PTK2B: variants seen among roughly 807,000 people sequenced by gnomAD.
PTK2B encodes the protein protein tyrosine kinase 2 beta.
A neutral mutation model predicts 142.9 loss-of-function variants in PTK2B; 71 were observed. That is an observed-to-expected ratio of 0.50 (90% CI 0.41 to 0.61). The LOEUF (loss-of-function observed/expected upper bound fraction) is 0.61. Ranked by LOEUF, PTK2B falls within the 20% of genes least tolerant of loss-of-function variation. PTK2B has a pLI of 0.00. For missense variants in PTK2B, 1,105 were observed against 1,320.4 expected (o/e 0.84, Z 2.53); for synonymous variants, 519 against 503.4 (o/e 1.03, Z -0.42).
intron 2 of PTK2B, among the ~76,000 whole-genome samples, chr8:27,401,607 A>C (rs1170098571): frequency 6.6e-6 from 1 of 152,244 alleles, no homozygotes; most frequent in African/African-American, 2.4e-5. Flanking sequence ...GGGAAGGCAC[A>C]TAGCGGGTTT....
intron 13 of PTK2B, among the ~76,000 whole-genome samples, chr8:27,434,837 TA>T (rs1331770726): frequency 3.9e-5 from 6 of 151,978 alleles, no homozygotes; most frequent in Non-Finnish European, 7.4e-5. Context: ...CCATTTCTAC[TA>T]AAAATACAAA....
chr8:27,319,868 A>G (rs978333979), intron 3 of PTK2B, among the ~76,000 whole-genome samples: 6 of 152,192 alleles, frequency 3.9e-5, no homozygotes, highest in African/African-American at 1.4e-4. Flanking sequence ...TGCTCTGAAG[A>G]AAAGAAAAAC....
intron 2 of PTK2B, among the ~76,000 whole-genome samples, chr8:27,403,311 C>T (rs1427286758): frequency 6.6e-6 from 1 of 152,202 alleles, no homozygotes; most frequent in Admixed American, 6.5e-5. Flanking sequence ...TCGCCCTGAA[C>T]AGTCCACATG....
intron 24 of PTK2B, among the ~76,000 whole-genome samples, chr8:27,447,727 G>A (rs1811556144): frequency 1.3e-5 from 2 of 152,178 alleles, no homozygotes; most frequent in African/African-American, 4.8e-5. Flanking sequence ...AGGCATGGTA[G>A]TGTGCACCTG....
Position 27,454,597 on chromosome 8 carries a change from T to A in PTK2B, c.2800T>A (p.Ser934Thr). 1 of 1,614,100 alleles carries A rather than the reference T, an allele frequency of 6.2e-7. No individual in the cohort carries two copies. Among genetic ancestry groups the A allele is most frequent in the Non-Finnish European group, 8.5e-7 (1 of 1,179,976 alleles). Residue 934 changes from serine (S) to threonine (T), a missense_variant, in exon 30 of 31, where the codon TCT becomes ACT. Transcript: ENST00000346049. ...TGATCTCCTGCCTTCCTTGCCGTCA[T>A]CTTCACGGACAGAGGTGAGCGTCCC... ...VDDLLPSLPS[S>T]SRTEIEGTQK...
chr8:27,332,706 T>C (rs976869117), intron 1 of PTK2B, among the ~76,000 whole-genome samples: 2 of 152,126 alleles, frequency 1.3e-5, no homozygotes, highest in Admixed American at 6.6e-5. Context: ...CTCAGCCTCC[T>C]GAGTAGCTGG....
chr8:27,365,358 G>A (rs1007632029), intron 1 of PTK2B, among the ~76,000 whole-genome samples: 11 of 152,152 alleles, frequency 7.2e-5, no homozygotes, highest in Non-Finnish European at 1.3e-4. Flanking sequence ...CACAATTCCC[G>A]CAGTTCATCC....
At chr8:27,345,580 T>C (rs1364083909) in intron 1 of PTK2B, among the ~76,000 whole-genome samples, 1 of 152,172 alleles carries the variant, frequency 6.6e-6, no homozygotes, top group Non-Finnish European at 1.5e-5. Flanking sequence ...GAGTGGGGTG[T>C]GGATGATTCT....
chr8:27,370,947 G>C (rs1400449432), intron 1 of PTK2B, among the ~76,000 whole-genome samples: 1 of 152,074 alleles, frequency 6.6e-6, no homozygotes, highest in East Asian at 1.9e-4. Flanking sequence ...CCAGGCTGGA[G>C]AGCAGTGGTG....
intron 1 of PTK2B, among the ~76,000 whole-genome samples, chr8:27,396,860 T>C (rs559402627): frequency 8.5e-4 from 129 of 152,246 alleles, no homozygotes; most frequent in Non-Finnish European, 1.4e-3. Context: ...CCTTCCCATG[T>C]GCAGCATGCC....
At chr8:27,362,841 G>A (rs766805276) in intron 1 of PTK2B, among the ~76,000 whole-genome samples, 1 of 152,186 alleles carries the variant, frequency 6.6e-6, no homozygotes, top group African/African-American at 2.4e-5. Flanking sequence ...GCTCCCACAC[G>A]AAATCTAGAA....
At chr8:27,360,088 C>T (rs1805611912) in intron 1 of PTK2B, among the ~76,000 whole-genome samples, 1 of 152,206 alleles carries the variant, frequency 6.6e-6, no homozygotes, top group African/African-American at 2.4e-5. Context: ...TTCAGCATGC[C>T]ATGCATATGA....
chr8:27,383,240 C>A lies in PTK2B; in HGVS notation c.-37-14308C>A, dbSNP rs115737287. On this transcript the variant is annotated intron_variant, in intron 1 of 30. Coordinates refer to ENST00000346049, the MANE Select transcript of PTK2B (RefSeq NM_173176.3). ...GTGTGTCCTCTTCTAATTCTTCCCA[C>A]CCCCCCACTCTCCCAACACACGCCG... Among the ~76,000 whole-genome samples, 605 of 151,310 alleles carry A rather than the reference C, an allele frequency of 4.0e-3. 2 individuals are homozygous for A. The highest frequency in any genetic ancestry group is 0.014 in the African/African-American group (570 of 40,816).
chr8:27,421,784 A>C (rs1343508683), intron 4 of PTK2B, among the ~76,000 whole-genome samples: 1 of 152,186 alleles, frequency 6.6e-6, no homozygotes, highest in Non-Finnish European at 1.5e-5. Context: ...AGCATCTCAA[A>C]CTTCCTGGAC....
intron 27 of PTK2B, chr8:27,451,851 T>C: frequency 1.0e-6 from 1 of 956,980 alleles, no homozygotes; most frequent in South Asian, 2.5e-5. Flanking sequence ...AGTTAAGCAG[T>C]GCCACCTGCC....
intron 3 of PTK2B, among the ~76,000 whole-genome samples, chr8:27,317,522 G>A (rs1803120160): frequency 1.3e-5 from 2 of 152,098 alleles, no homozygotes; most frequent in Admixed American, 6.5e-5. Context: ...TTGGTTAAGC[G>A]TATTTCCAAG....
At chr8:27,453,248 CAGAT>C in intron 28 of PTK2B, 88 bp downstream of exon 28, 4 of 1,541,618 alleles carry the variant, frequency 2.6e-6, no homozygotes, top group Non-Finnish European at 3.6e-6. Context: ...TCACAGTTCT[CAGAT>C]AGAATCCAGT....
At chr8:27,339,722 TG>T (rs1804280536) in intron 1 of PTK2B, among the ~76,000 whole-genome samples, 1 of 152,160 alleles carries the variant, frequency 6.6e-6, no homozygotes, top group Non-Finnish European at 1.5e-5. Flanking sequence ...TGGTTGGAGT[TG>T]GGGATCAGGG....
intron 24 of PTK2B, among the ~76,000 whole-genome samples, chr8:27,450,115 A>C (rs1811710257): frequency 6.6e-6 from 1 of 152,232 alleles, no homozygotes; most frequent in South Asian, 2.1e-4. Flanking sequence ...CTATTATCTT[A>C]ATAAAGAATG....
Sources: gnomAD v4.1 joint callset for allele counts (sites outside exome capture counted in the v4.1 genomes callset) on GRCh38, gnomAD v4.1.1 for gene constraint, MANE v1.5 for transcripts, NCBI Gene and HGNC (gene_info 2026-07-23, HGNC 2026-07-21) for gene names.